Variants in GLRB observed in about 807,000 individuals in gnomAD.
The protein encoded by GLRB is glycine receptor subunit beta.
A neutral mutation model predicts 54.2 loss-of-function variants in GLRB; 33 were observed. The ratio of observed to expected loss-of-function variants is 0.61; its 90% CI spans 0.46 to 0.81. The LOEUF (loss-of-function observed/expected upper bound fraction) is 0.81, where lower values mean the gene tolerates loss of function less well. GLRB is among the 40% of genes least tolerant of loss of function. GLRB has a pLI of 0.00. For synonymous variants in GLRB, 209 were observed against 208.2 expected, an observed-to-expected ratio of 1.00 and a Z score of -0.03; for missense variants, 572 against 584.6, an observed-to-expected ratio of 0.98 and a Z score of 0.22.
Position 157,136,278 on chromosome 4 carries a change from T to G in GLRB, c.298-191T>G. On this transcript the variant is annotated intron_variant, in intron 4 of 9. Coordinates refer to ENST00000264428, the MANE Select transcript of GLRB (RefSeq NM_000824.5). Reference sequence around the variant, plus strand: ...GGAATGTCTGCAGAGAGTAATTACATAGAGACAAGTGTCTTTATACTGCTA... The same window carrying G: ...GGAATGTCTGCAGAGAGTAATTACAGAGAGACAAGTGTCTTTATACTGCTA... The G allele has an allele frequency of 6.8e-6, 4 of 584,114 alleles. No individual in the cohort carries two copies. The South Asian group carries it at 8.3e-5, about 12-fold the overall frequency. The allele number at this position is 584,114 out of a possible 1,614,324, so 36.2% of individuals were successfully genotyped here.
intron 9 of GLRB, among the ~76,000 whole-genome samples, chr4:157,164,587 G>A (rs1239286456): frequency 6.6e-6 from 1 of 152,062 alleles, no homozygotes; most frequent in East Asian, 1.9e-4. Flanking sequence ...TCCTCAATAA[G>A]CACAGGAATT....
intron 2 of GLRB, among the ~76,000 whole-genome samples, chr4:157,116,091 C>A (rs141338543): frequency 7.2e-5 from 11 of 151,908 alleles, no homozygotes; most frequent in Non-Finnish European, 1.5e-4. Context: ...GAAAACTGAG[C>A]TTCCTCCTTT....
intron 2 of GLRB, among the ~76,000 whole-genome samples, chr4:157,099,697 A>G (rs1444035399): frequency 1.3e-5 from 2 of 152,176 alleles, no homozygotes; most frequent in Non-Finnish European, 2.9e-5. Context: ...TGTTGGGCAC[A>G]TATCCAAGAG....
chr4:157,105,438 C>T lies in GLRB; in HGVS notation c.123-15118C>T, dbSNP rs1380984218. Among the ~76,000 whole-genome samples, 3 of 152,030 alleles carry T rather than the reference C, an allele frequency of 2.0e-5. No homozygotes were observed. In the East Asian group the frequency reaches 5.8e-4, roughly 29 times the overall value. ...ATGTAAGACTTGTTTTGGAACCTAA[C>T]ATGTGATCTATCTGGCAGAATGTTC... On this transcript the variant is annotated intron_variant, in intron 2 of 9. Coordinates refer to ENST00000264428, the MANE Select transcript of GLRB (RefSeq NM_000824.5).
chr4:157,125,051 C>T (rs1735968083), intron 4 of GLRB, among the ~76,000 whole-genome samples: 3 of 151,762 alleles, frequency 2.0e-5, no homozygotes. Flanking sequence ...ACATAAATGA[C>T]ATTAAAATAT....
intron 9 of GLRB, among the ~76,000 whole-genome samples, chr4:157,163,829 A>AGTGTGTGTGTTTGTGTGTGT (rs1737609343): frequency 6.8e-6 from 1 of 146,276 alleles, no homozygotes; most frequent in African/African-American, 2.5e-5. Context: ...TGTCTGTGTG[A>AGTGTGTGTGTTTGTGTGTGT]GTGTGTGTGT....
At chr4:157,078,422 AT>A (rs1036093288) in intron 2 of GLRB, 10 of 170,630 alleles carry the variant, frequency 5.9e-5, no homozygotes, top group African/African-American at 9.6e-5. Flanking sequence ...AAAAGTCACT[AT>A]TTTTTTCTTA....
At chr4:157,109,275 G>T (rs550732363) in intron 2 of GLRB, among the ~76,000 whole-genome samples, 10 of 151,840 alleles carry the variant, frequency 6.6e-5, no homozygotes, top group African/African-American at 1.2e-4. Flanking sequence ...TATCTTTTTG[G>T]GGGCTTTCTG....
chr4:157,083,232 T>C (rs1054210037), intron 2 of GLRB, among the ~76,000 whole-genome samples: 11 of 151,958 alleles, frequency 7.2e-5, no homozygotes, highest in Non-Finnish European at 1.3e-4. Context: ...AATCATATCA[T>C]ATTAGGAAGA....
intron 9 of GLRB, among the ~76,000 whole-genome samples, chr4:157,170,006 G>C (rs956603918): frequency 6.6e-6 from 1 of 152,054 alleles, no homozygotes; most frequent in Non-Finnish European, 1.5e-5. Context: ...CTTGGAAATA[G>C]GATCTATAAG....
chr4:157,115,526 T>A (rs1223563228), intron 2 of GLRB, among the ~76,000 whole-genome samples: 1 of 151,800 alleles, frequency 6.6e-6, no homozygotes, highest in African/African-American at 2.4e-5. Context: ...TATCTTGCTG[T>A]GTCTGAAAAG....
chr4:157,081,928 A>G (rs1266754601), intron 2 of GLRB, among the ~76,000 whole-genome samples: 2 of 152,200 alleles, frequency 1.3e-5, no homozygotes, highest in Admixed American at 1.3e-4. Flanking sequence ...TACCTCCAGC[A>G]GTATCTTCCC....
At chr4:157,089,332 A>G (rs1417126690) in intron 2 of GLRB, among the ~76,000 whole-genome samples, 1 of 152,148 alleles carries the variant, frequency 6.6e-6, no homozygotes. Flanking sequence ...CCAGGAGGAC[A>G]AGGTTGCAGT....
At chr4:157,093,983 CTCTG>C (rs1407101092) in intron 2 of GLRB, among the ~76,000 whole-genome samples, 3 of 152,148 alleles carry the variant, frequency 2.0e-5, no homozygotes, top group Non-Finnish European at 4.4e-5. Context: ...TGCAATCTCT[CTCTG>C]TCTTTCTGCC....
intron 2 of GLRB, among the ~76,000 whole-genome samples, chr4:157,114,208 A>G (rs1735521127): frequency 6.6e-6 from 1 of 151,816 alleles, no homozygotes; most frequent in African/African-American, 2.4e-5. Flanking sequence ...CAGCCTTAAC[A>G]TGTGATCAAG....
chr4:157,115,325 T>G (rs2126517217), intron 2 of GLRB, among the ~76,000 whole-genome samples: 1 of 141,184 alleles, frequency 7.1e-6, no homozygotes, highest in Non-Finnish European at 1.5e-5. Context: ...TAAAAAAAAA[T>G]TGTCTTCTCA....
intron 2 of GLRB, among the ~76,000 whole-genome samples, chr4:157,097,338 G>A (rs144319233): frequency 2.6e-3 from 389 of 152,188 alleles, no homozygotes; most frequent in Middle Eastern, 6.8e-3. Flanking sequence ...CTCTATGTTC[G>A]TTACTTTTAT....
chr4:157,081,382 C>T (rs182062424), intron 2 of GLRB, among the ~76,000 whole-genome samples: 1 of 152,284 alleles, frequency 6.6e-6, no homozygotes, highest in East Asian at 1.9e-4. Context: ...AAGAGTGCCA[C>T]ACCCATACAT....
intron 7 of GLRB, among the ~76,000 whole-genome samples, chr4:157,143,401 G>A (rs937890495): frequency 2.6e-5 from 4 of 151,300 alleles, no homozygotes; most frequent in East Asian, 1.9e-4. Context: ...GTGTAGTCCC[G>A]GAGTGTTTCT....
Sources: gnomAD v4.1 joint callset for allele counts (sites outside exome capture counted in the v4.1 genomes callset) on GRCh38, gnomAD v4.1.1 for gene constraint, MANE v1.5 for transcripts, NCBI Gene and HGNC (gene_info 2026-07-23, HGNC 2026-07-21) for gene names.